The following DEGS2 variants were observed in gnomAD, a reference collection of about 807,000 sequenced individuals.
The protein encoded by DEGS2 is delta 4-desaturase, sphingolipid 2.
A neutral mutation model predicts 23.8 loss-of-function variants in DEGS2; 19 were observed. The observed-to-expected ratio is 0.80, with a 90% CI of 0.56 to 1.17. The LOEUF (loss-of-function observed/expected upper bound fraction) is 1.17. Ranked by LOEUF, DEGS2 falls within the 50% of genes most tolerant of loss-of-function variation. DEGS2 has a pLI of 0.00. For missense variants in DEGS2, 390 were observed against 459.5 expected, an observed-to-expected ratio of 0.85 and a Z score of 1.38; for synonymous variants, 218 against 213.7, an observed-to-expected ratio of 1.02 and a Z score of -0.18.
Position 100,149,136 on chromosome 14 carries a change from G to T in DEGS2, c.657C>A (p.Gly219=). 6.2e-7 allele frequency: 1 copy of T among 1,613,000 alleles called. No individual in the cohort carries two copies. The highest frequency in any genetic ancestry group is 1.7e-5 in the Admixed American group (1 of 60,036). Residue 219 remains glycine, a synonymous_variant, in exon 2 of 3, where the codon GGC becomes GGA. Transcript: ENST00000305631. The part of the protein sequence containing the change: ...VVYLLASSFL[G]LGLHPISGHF... ...GGCCCGAGATGGGGTGCAGGCCCAG[G>T]CCCAGGAAGGAGCTGGCCAGCAGGT...
At chr14:100,160,047 G>T (rs73349587), upstream of DEGS2, 14,845 of 153,042 alleles carry the variant, frequency 0.097, 952 homozygotes, top group African/African-American at 0.18. Context: ...CTGCCCCAAG[G>T]AGGAGCGGCT....
the DEGS2 span, among the ~76,000 whole-genome samples, chr14:100,164,849 T>C: frequency 6.6e-6 from 1 of 152,140 alleles, no homozygotes; most frequent in Non-Finnish European, 1.5e-5. Flanking sequence ...GGCCACCAAA[T>C]ACATGTGCGA....
chr14:100,146,313 A>C lies in DEGS2; in HGVS notation c.*448T>G. On this transcript the variant is annotated 3_prime_UTR_variant, in exon 3 of 3. Transcript: ENST00000305631. ...CAGGACCTGGGCCTGGCCTGGACGA[A>C]GCGGCACTCAGGCCTCAAGCTCCAC... is the stretch of plus-strand genomic sequence containing the variant. 5.8e-6 allele frequency: 1 copy of C among 173,196 alleles called. No homozygotes were observed. The highest frequency in any genetic ancestry group is 1.2e-5 in the Non-Finnish European group (1 of 81,944). 10.7% of individuals were successfully genotyped at this position (173,196 alleles called of 1,614,324 possible).
Position 100,149,701 on chromosome 14 carries a change from G to A in DEGS2, c.92C>T (p.Pro31Leu), listed in dbSNP as rs1322132947. 11 of 1,600,364 alleles carry A rather than the reference G, an allele frequency of 6.9e-6. No individual in the cohort carries two copies. Among genetic ancestry groups the A allele is most frequent in the Non-Finnish European group, 8.5e-6 (10 of 1,172,934 alleles). ...TGGCCGCATCAGGGCCTTGATGGCC[G>A]GGTACTTGGCTGCAAGGAAGACAGG... ...QRRKEILAKY[P>L]AIKALMRPDP... is the part of the protein sequence containing the mutation. The change falls in exon 2 of 3, where the codon CCG becomes CTG. Residue 31 changes from proline to leucine, a missense_variant. By Grantham distance (98) the Pro-to-Leu change is moderately conservative. Transcript: ENST00000305631.
intron 2 of DEGS2, among the ~76,000 whole-genome samples, chr14:100,147,927 C>T (rs933191730): frequency 2.0e-5 from 3 of 152,198 alleles, no homozygotes; most frequent in African/African-American, 7.2e-5. Flanking sequence ...GTGCCTCTGC[C>T]TTATCTATAC....
chr14:100,156,885 A>G (rs928480196), intron 1 of DEGS2, among the ~76,000 whole-genome samples: 1 of 152,210 alleles, frequency 6.6e-6, no homozygotes, highest in African/African-American at 2.4e-5. Flanking sequence ...TATTAGCTGA[A>G]AACAACAGGT....
In DEGS2 at chr14:100,151,283, G is replaced by A. The variant is rs1325952667; in HGVS notation, c.83-1573C>T. Reference sequence around the variant, plus strand: ...TTAAAGGAAGTGCTCTGATCTAAGAGGAAAAGCTGGTCTTGGGGCGATGGC... The same window carrying A: ...TTAAAGGAAGTGCTCTGATCTAAGAAGAAAAGCTGGTCTTGGGGCGATGGC... On this transcript the variant is annotated intron_variant, in intron 1 of 2. Transcript: ENST00000305631. 3.3e-5 allele frequency among the ~76,000 whole-genome samples: 5 copies of A among 152,260 alleles called. No homozygotes were observed. In the East Asian group the frequency reaches 9.6e-4, roughly 29 times the overall value.
chr14:100,154,402 C>T (rs1185555096), intron 1 of DEGS2, among the ~76,000 whole-genome samples: 2 of 151,916 alleles, frequency 1.3e-5, no homozygotes, highest in Non-Finnish European at 2.9e-5. Context: ...CAGGCTCAGT[C>T]AGACTCCTGT....
upstream of DEGS2, chr14:100,159,845 C>A (rs113730019): frequency 0.083 from 23,160 of 277,546 alleles, 1,165 homozygotes; most frequent in African/African-American, 0.15. Flanking sequence ...CCCGGCAGGA[C>A]CGAGGTGGCC....
chr14:100,150,689 C>A (rs1889556087), intron 1 of DEGS2, among the ~76,000 whole-genome samples: 1 of 152,160 alleles, frequency 6.6e-6, no homozygotes, highest in Non-Finnish European at 1.5e-5. Context: ...ATGGTGCGCC[C>A]TCAGGGTCCC....
chr14:100,159,656 G>T, upstream of DEGS2: 1 of 1,079,684 alleles, frequency 9.3e-7, no homozygotes, highest in Non-Finnish European at 1.3e-6. Context: ...GGCGGCCGCG[G>T]CGCGGAACCA....
chr14:100,148,590 G>T (rs892353616), intron 2 of DEGS2, among the ~76,000 whole-genome samples: 1 of 152,238 alleles, frequency 6.6e-6, no homozygotes, highest in African/African-American at 2.4e-5. Flanking sequence ...GCCCCTGGAG[G>T]GTCACAGGGC....
intron 1 of DEGS2, among the ~76,000 whole-genome samples, chr14:100,152,616 T>C (rs1439260683): frequency 6.6e-6 from 1 of 152,152 alleles, no homozygotes; most frequent in Non-Finnish European, 1.5e-5. Flanking sequence ...CAACACACAC[T>C]TCTCTAGTCC....
chr14:100,149,275 C>T lies in DEGS2; in HGVS notation c.518G>A (p.Arg173Gln), dbSNP rs896326536. Residue 173 changes from arginine to glutamine, a missense_variant, in exon 2 of 3, where the codon CGG (arginine) becomes CAG (glutamine). Physicochemically the swap from Arg to Gln is conservative, Grantham distance 43 (BLOSUM62 1). Transcript: ENST00000305631. ...GGCCTTGGGGTGGACGCAGAGCGGCCGTAGTGAGTAGAAGAAGGGCTGCAG... is the reference window on the plus strand; with the variant it reads ...GGCCTTGGGGTGGACGCAGAGCGGCTGTAGTGAGTAGAAGAAGGGCTGCAG... The part of the protein sequence containing the change: ...LVLQPFFYSL[R>Q]PLCVHPKAVT... 3 of 1,612,814 alleles carry T rather than the reference C, an allele frequency of 1.9e-6. No homozygotes were observed. The highest frequency in any genetic ancestry group is 1.3e-5 in the African/African-American group (1 of 75,064).
intron 1 of DEGS2, among the ~76,000 whole-genome samples, chr14:100,152,518 C>T (rs994049539): frequency 6.6e-6 from 1 of 152,192 alleles, no homozygotes; most frequent in Non-Finnish European, 1.5e-5. Flanking sequence ...AACAAAAAGG[C>T]AGAGACAAGG....
chr14:100,155,918 G>C (rs1390139366), intron 1 of DEGS2, among the ~76,000 whole-genome samples: 1 of 152,038 alleles, frequency 6.6e-6, no homozygotes, highest in Non-Finnish European at 1.5e-5. Flanking sequence ...ACGCCTGGCT[G>C]GGTCTCTGAT....
intron 1 of DEGS2, among the ~76,000 whole-genome samples, chr14:100,152,395 T>C (rs1889587289): frequency 6.6e-6 from 1 of 152,176 alleles, no homozygotes; most frequent in South Asian, 2.1e-4. Context: ...TGGAGCATTA[T>C]TTCTGGGTGT....
chr14:100,151,655 ACAG>A (rs961588107), intron 1 of DEGS2, among the ~76,000 whole-genome samples: 2 of 152,180 alleles, frequency 1.3e-5, no homozygotes, highest in African/African-American at 4.8e-5. Flanking sequence ...AGTTCTGAAA[ACAG>A]CAGCTGCTGG....
At chr14:100,159,676 A>G (rs1225425100), upstream of DEGS2, 8 of 73,892 alleles carry the variant, frequency 1.1e-4, no homozygotes, top group Non-Finnish European at 1.2e-4. Flanking sequence ...AGCTCTGATT[A>G]GGGCGGGGGC....
Sources: gnomAD v4.1 joint callset for allele counts (sites outside exome capture counted in the v4.1 genomes callset) on GRCh38, gnomAD v4.1.1 for gene constraint, MANE v1.5 for transcripts, NCBI Gene and HGNC (gene_info 2026-07-23, HGNC 2026-07-21) for gene names.